Variants in LOXL4 observed in about 807,000 individuals in gnomAD.
The protein encoded by LOXL4 is lysyl oxidase like 4, also known as lysyl oxidase homolog 4.
LOXL4 carries 72 observed loss-of-function variants against 89.1 expected under a neutral mutation model. The ratio of observed to expected loss-of-function variants is 0.81; its 90% CI spans 0.67 to 0.98. LOXL4 has a LOEUF of 0.98. Among genes scored for constraint, LOXL4 ranks in the 50% least tolerant of loss-of-function variants. The pLI is 0.00. For synonymous variants in LOXL4, 355 were observed against 392.1 expected (o/e 0.91, Z 1.12); for missense variants, 984 against 1,017.5 (o/e 0.97, Z 0.45).
In LOXL4 at chr10:98,251,096, C is replaced by T. The variant is rs1292260113; in HGVS notation, c.2169G>A (p.Gly723=). Residue 723 remains glycine (G), a synonymous_variant, in exon 14 of 15, where the codon GGG becomes GGA. Transcript: ENST00000260702. ...GGCAGTTGTGCAGCCAGACCCGGTG[C>T]CCATCATACTTGCAGCGGCACTGCA... is the stretch of plus-strand genomic sequence containing the variant. The part of the protein sequence containing the change: ...NMLQCRCKYD[G]HRVWLHNCHT... 1 of 1,613,926 alleles carries T rather than the reference C, an allele frequency of 6.2e-7. No homozygotes were observed. The highest frequency in any genetic ancestry group is 8.5e-7 in the Non-Finnish European group (1 of 1,179,992).
chr10:98,252,289 C>T, intron 12 of LOXL4, 64 bp downstream of exon 12: 1 of 1,284,030 alleles, frequency 7.8e-7, no homozygotes, highest in Admixed American at 1.8e-5. Flanking sequence ...AAAGCCTGAT[C>T]CCAAAGGGGC....
rs117126139 is a variant in LOXL4, at chr10:98,249,028, T to C, written c.2201-37A>G. On this transcript the variant is annotated intron_variant, in intron 14 of 14. Transcript: ENST00000260702. ...AGGAAAACAGGTAAGTAGCCAACCT[T>C]TCCAGTCTCATCCCTTCCCTGACAA... The C allele has an allele frequency of 6.3e-3, 9,820 of 1,548,992 alleles. 36 individuals are homozygous for C. Among genetic ancestry groups the C allele is most frequent in the Non-Finnish European group, 8.0e-3 (8,936 of 1,123,476 alleles).
At position 98,251,659 on chromosome 10, in the gene LOXL4, T is replaced by G. The variant is rs1386753024; in HGVS notation, c.1995A>C (p.Gly665=). 8 of 1,614,090 alleles carry G rather than the reference T, an allele frequency of 5.0e-6. No individual in the cohort carries two copies. The highest frequency in any genetic ancestry group is 1.3e-5 in the African/African-American group (1 of 74,934). The change falls in exon 13 of 15, where the codon GGA becomes GGC. Residue 665 remains glycine (G), a synonymous_variant. Coordinates refer to ENST00000260702, the MANE Select transcript of LOXL4 (RefSeq NM_032211.7). ...AGGTGTCCCAGCAGCCTACAGTCAC[T>G]CCCTGTTCTCCAAAGTTGGCACATG... is the stretch of plus-strand genomic sequence containing the variant. ...RYACANFGEQ[G]VTVGCWDTYR...
At position 98,261,036 on chromosome 10, in the gene LOXL4, T is replaced by A; in HGVS notation, c.548A>T (p.Tyr183Phe). Residue 183 changes from tyrosine to phenylalanine, a missense_variant, in exon 4 of 15, where the codon TAT (tyrosine) becomes TTT (phenylalanine). Transcript: ENST00000260702. ...PVTEGAVEVK[Y>F]EGHWRQVCDQ... ...ACACACCTGCCGCCAGTGGCCCTCATACTTCACCTCCACGGCTCCCTCGGT... is the reference window on the plus strand; with the variant it reads ...ACACACCTGCCGCCAGTGGCCCTCAAACTTCACCTCCACGGCTCCCTCGGT... The A allele has an allele frequency of 1.2e-6, 2 of 1,614,054 alleles. No homozygotes were observed. Among genetic ancestry groups the A allele is most frequent in the Non-Finnish European group, 1.7e-6 (2 of 1,180,024 alleles).
intron 13 of LOXL4, 103 bp from the exon 14 acceptor site, chr10:98,251,279 T>A (rs1262265245): frequency 1.1e-6 from 1 of 939,146 alleles, no homozygotes; most frequent in East Asian, 2.6e-5. Context: ...GCTTCATTAA[T>A]TCTTAACAAT....
At chr10:98,259,477 C>T (rs745376160) in intron 4 of LOXL4, 48 bp from the exon 5 acceptor site, 4 of 1,507,430 alleles carry the variant, frequency 2.7e-6, no homozygotes, top group South Asian at 1.1e-5. Context: ...GTGGAAGTCC[C>T]ACCCCCTGCC....
intron 11 of LOXL4, among the ~76,000 whole-genome samples, chr10:98,252,946 A>G (rs1224850729): frequency 6.6e-6 from 1 of 152,230 alleles, no homozygotes; most frequent in African/African-American, 2.4e-5. Flanking sequence ...TCCCAAAGTC[A>G]TTGCCCATTC....
chr10:98,263,390 C>G (rs918805209), intron 1 of LOXL4, among the ~76,000 whole-genome samples: 1 of 152,194 alleles, frequency 6.6e-6, no homozygotes, highest in South Asian at 2.1e-4. Flanking sequence ...TAGCAAAGTC[C>G]TAGCATTGGT....
chr10:98,251,816 AGAGC>A, intron 12 of LOXL4, 114 bp from the exon 13 acceptor site: 1 of 1,292,742 alleles, frequency 7.7e-7, no homozygotes, highest in Non-Finnish European at 1.1e-6. Flanking sequence ...AAGGACCGTC[AGAGC>A]TAGAATCCTG....
intron 2 of LOXL4, 106 bp downstream of exon 2, chr10:98,262,636 AG>A: frequency 7.5e-7 from 1 of 1,336,140 alleles, no homozygotes; most frequent in Non-Finnish European, 1.0e-6. Flanking sequence ...CGTGTGGAGG[AG>A]GTCACATGAG....
Position 98,258,696 on chromosome 10 carries a change from A to G in LOXL4, c.921+313T>C, listed in dbSNP as rs1185457922. ...ATAAGCACTTGCTCATCTCCTCTTT[A>G]AAACAAAGGAGCAGGCTCAGGAGCA... On this transcript the variant is annotated intron_variant, in intron 6 of 14. Coordinates refer to ENST00000260702, the MANE Select transcript of LOXL4 (RefSeq NM_032211.7). Among the ~76,000 whole-genome samples the G allele has an allele frequency of 1.3e-5, 2 of 152,212 alleles. 1 individual carries two copies. The highest frequency in any genetic ancestry group is 4.2e-4 in the South Asian group (2 of 4,810).
rs570648428 is a variant in LOXL4, at chr10:98,263,734, T to C, written c.-32-683A>G. Among the ~76,000 whole-genome samples the C allele has an allele frequency of 1.2e-4, 17 of 143,854 alleles. No homozygotes were observed. The South Asian group carries it at 2.2e-3, about 19-fold the overall frequency. The allele number at this position is 143,854 out of a possible 152,430, so 94.4% of individuals were successfully genotyped here. On this transcript the variant is annotated intron_variant, in intron 1 of 14. Transcript: ENST00000260702. ...CTTTCTTTTTTCTTTCTTTCTTTCT[T>C]TTTTTTTTTTTTTTCGAGACAGAGT...
At chr10:98,261,947 C>T (rs113387078) in intron 3 of LOXL4, 88 bp downstream of exon 3, 6 of 1,358,192 alleles carry the variant, frequency 4.4e-6, no homozygotes, top group South Asian at 3.1e-5. Flanking sequence ...CCTTTCCCCT[C>T]GCTTATCCTC....
In LOXL4 at chr10:98,257,776, C is replaced by T; in HGVS notation, c.1134G>A (p.Val378=). 2 of 1,613,784 alleles carry T rather than the reference C, an allele frequency of 1.2e-6. No individual in the cohort carries two copies. The highest frequency in any genetic ancestry group is 1.7e-6 in the Non-Finnish European group (2 of 1,179,818). Residue 378 remains valine (V), a synonymous_variant, in exon 8 of 15, where the codon GTG becomes GTA. Transcript: ENST00000260702. The part of the protein sequence containing the change: ...QGLGPIHLSE[V]RCRGYERTLS... ...GGGTCCGCTCATATCCCCTGCAGCG[C>T]ACCTCACTCAGGTGGATGGGCCCTA...
chr10:98,252,278 G>T, intron 12 of LOXL4, 75 bp downstream of exon 12: 1 of 1,180,012 alleles, frequency 8.5e-7, no homozygotes. Flanking sequence ...AGGGCAGAGA[G>T]AAAGCCTGAT....
intron 12 of LOXL4, chr10:98,252,045 A>C: frequency 2.1e-6 from 1 of 480,446 alleles, no homozygotes; most frequent in Non-Finnish European, 3.7e-6. Flanking sequence ...GTGGGTGTGC[A>C]GACAGGAAGC....
At chr10:98,249,419 TG>T (rs1858125970) in intron 14 of LOXL4, among the ~76,000 whole-genome samples, 1 of 152,238 alleles carries the variant, frequency 6.6e-6, no homozygotes, top group South Asian at 2.1e-4. Flanking sequence ...CCTGTGGTTC[TG>T]GCAGTGATGG....
At chr10:98,265,982 T>C (rs569330905) in intron 1 of LOXL4, among the ~76,000 whole-genome samples, 1 of 152,304 alleles carries the variant, frequency 6.6e-6, no homozygotes, top group Admixed American at 6.5e-5. Context: ...CACGCTTCCT[T>C]TCCAGACTGA....
chr10:98,253,413 C>T (rs1470081829), intron 11 of LOXL4, 140 bp downstream of exon 11: 1 of 1,215,016 alleles, frequency 8.2e-7, no homozygotes, highest in African/African-American at 1.5e-5. Flanking sequence ...TCCTCACTGC[C>T]TCCTGCAGGC....
Sources: gnomAD v4.1 joint callset for allele counts (sites outside exome capture counted in the v4.1 genomes callset) on GRCh38, gnomAD v4.1.1 for gene constraint, MANE v1.5 for transcripts, NCBI Gene and HGNC (gene_info 2026-07-23, HGNC 2026-07-21) for gene names.